The following TMEM132C variants were observed in gnomAD, a reference collection of about 807,000 sequenced individuals.
TMEM132C encodes the protein protein phosphatase 1, regulatory subunit 152.
Under a neutral mutation model 61.4 loss-of-function variants are expected in TMEM132C, and 29 were observed. The ratio of observed to expected loss-of-function variants is 0.47; its 90% CI spans 0.35 to 0.64. TMEM132C has a LOEUF of 0.64. TMEM132C is among the 30% of genes least tolerant of loss of function. The pLI is 0.00. For missense variants in TMEM132C, 1,408 were observed against 1,476.9 expected (o/e 0.95, Z 0.76); for synonymous variants, 656 against 633.1 (o/e 1.04, Z -0.54).
chr12:128,431,992 CTCTG>C lies in TMEM132C; in HGVS notation c.974+16378_974+16381del, dbSNP rs71449350. On this transcript the variant is annotated intron_variant, in intron 2 of 8. Coordinates refer to ENST00000435159, the MANE Select transcript of TMEM132C (RefSeq NM_001136103.3). ...ACCCTTAAGAATTATGCTCAATCTG[CTCTG>C]TCTGTGTCGATAAATGGAACCACAA... is the stretch of plus-strand genomic sequence containing the variant. 4.9e-3 allele frequency among the ~76,000 whole-genome samples: 752 copies of C among 152,288 alleles called. 3 individuals carry two copies. The highest frequency in any genetic ancestry group is 0.031 in the Middle Eastern group (9 of 294).
chr12:128,688,645 G>A (rs10847669), intron 5 of TMEM132C, among the ~76,000 whole-genome samples: 150,345 of 152,318 alleles, frequency 0.99, 74,232 homozygotes, highest in East Asian at 1. Flanking sequence ...TTTACAAAGC[G>A]TCTAGAACAT....
At chr12:128,366,209 C>T (rs1020176783) in intron 1 of TMEM132C, among the ~76,000 whole-genome samples, 2 of 152,186 alleles carry the variant, frequency 1.3e-5, no homozygotes, top group Non-Finnish European at 2.9e-5. Flanking sequence ...CTCCTCCCAG[C>T]GACAGACTCC....
chr12:128,655,797 A>G (rs917880414), intron 4 of TMEM132C, among the ~76,000 whole-genome samples: 1 of 152,114 alleles, frequency 6.6e-6, no homozygotes, highest in Non-Finnish European at 1.5e-5. Flanking sequence ...TCATGGGTAC[A>G]AAACCGGAAT....
At chr12:128,297,747 G>A (rs569764320) in intron 1 of TMEM132C, among the ~76,000 whole-genome samples, 2 of 152,066 alleles carry the variant, frequency 1.3e-5, no homozygotes, top group Non-Finnish European at 2.9e-5. Flanking sequence ...ACACCCACAT[G>A]ATTTTAAGCA....
intron 2 of TMEM132C, among the ~76,000 whole-genome samples, chr12:128,420,580 G>A (rs1261930564): frequency 1.3e-5 from 2 of 152,216 alleles, no homozygotes; most frequent in African/African-American, 4.8e-5. Flanking sequence ...TTTGAAGAAG[G>A]AATGTCACGA....
chr12:128,423,306 T>C (rs1046961765), intron 2 of TMEM132C, among the ~76,000 whole-genome samples: 5 of 152,194 alleles, frequency 3.3e-5, no homozygotes, highest in Non-Finnish European at 7.3e-5. Context: ...TCATTAGTTC[T>C]GTCCTGCTTT....
intron 1 of TMEM132C, among the ~76,000 whole-genome samples, chr12:128,317,646 A>T (rs1341489314): frequency 6.6e-6 from 1 of 152,238 alleles, no homozygotes; most frequent in Non-Finnish European, 1.5e-5. Flanking sequence ...GCACTTTGGG[A>T]AGCCAAGGTG....
Position 128,616,185 on chromosome 12 carries a change from G to A in TMEM132C, c.1155G>A (p.Met385Ile), listed in dbSNP as rs756948014. 3.2e-6 allele frequency: 5 copies of A among 1,551,746 alleles called. No homozygotes were observed. The South Asian group carries it at 5.9e-5, about 18-fold the overall frequency. ...SSSLFNEVVQMNFEIASFSSL... is the reference protein window; with the variant it reads ...SSSLFNEVVQINFEIASFSSL... ...GTTTATTCAATGAGGTTGTGCAGAT[G>A]AACTTTGAAATAGCCAGTTTCAGCA... is the stretch of plus-strand genomic sequence containing the variant. The change falls in exon 4 of 9, where the codon ATG becomes ATA. Residue 385 changes from methionine (M) to isoleucine (I), a missense_variant. Physicochemically the swap from Met to Ile is conservative, Grantham distance 10 (BLOSUM62 1). Coordinates refer to ENST00000435159, the MANE Select transcript of TMEM132C (RefSeq NM_001136103.3).
intron 4 of TMEM132C, among the ~76,000 whole-genome samples, chr12:128,663,843 T>C (rs1031374337): frequency 3.2e-4 from 42 of 132,358 alleles, no homozygotes; most frequent in East Asian, 7.3e-4. Flanking sequence ...CCCACCCACA[T>C]GCACGCACGC....
intron 2 of TMEM132C, among the ~76,000 whole-genome samples, chr12:128,501,115 C>G (rs552955490): frequency 6.6e-6 from 1 of 152,178 alleles, no homozygotes; most frequent in Non-Finnish European, 1.5e-5. Flanking sequence ...TCTCACCTTC[C>G]CTTTGCATAC....
At chr12:128,425,284 C>T (rs905027268) in intron 2 of TMEM132C, among the ~76,000 whole-genome samples, 1 of 152,236 alleles carries the variant, frequency 6.6e-6, no homozygotes, top group East Asian at 1.9e-4. Flanking sequence ...CATCCCCTGC[C>T]CCTTGGCGCT....
intron 4 of TMEM132C, among the ~76,000 whole-genome samples, chr12:128,652,444 G>A (rs1013188411): frequency 6.6e-6 from 1 of 152,218 alleles, no homozygotes; most frequent in Non-Finnish European, 1.5e-5. Context: ...GGTCAGCGAT[G>A]AGGGTCACTC....
intron 4 of TMEM132C, among the ~76,000 whole-genome samples, chr12:128,652,676 C>T (rs940699917): frequency 2.0e-5 from 3 of 152,236 alleles, no homozygotes; most frequent in Admixed American, 6.5e-5. Flanking sequence ...CTTCCCAGCC[C>T]CTGACCCGGG....
intron 2 of TMEM132C, among the ~76,000 whole-genome samples, chr12:128,465,164 T>C (rs914344439): frequency 6.6e-6 from 1 of 152,010 alleles, no homozygotes; most frequent in Non-Finnish European, 1.5e-5. Context: ...GACACCCACA[T>C]AGATAAGCTG....
At chr12:128,629,739 G>A (rs572007911) in intron 4 of TMEM132C, among the ~76,000 whole-genome samples, 32 of 152,032 alleles carry the variant, frequency 2.1e-4, no homozygotes, top group Admixed American at 3.9e-4. Context: ...AGGCCAAGGC[G>A]GGTGGATCAC....
intron 1 of TMEM132C, among the ~76,000 whole-genome samples, chr12:128,305,310 C>G (rs1305216974): frequency 6.6e-6 from 1 of 152,104 alleles, no homozygotes; most frequent in East Asian, 1.9e-4. Flanking sequence ...TGTGATACCT[C>G]AGTCTGAAGA....
chr12:128,641,079 C>G (rs553072015), intron 4 of TMEM132C, among the ~76,000 whole-genome samples: 1 of 152,228 alleles, frequency 6.6e-6, no homozygotes, highest in East Asian at 1.9e-4. Flanking sequence ...GTGCAATAGC[C>G]CGTGGTTGGA....
chr12:128,362,252 G>C (rs971720293), intron 1 of TMEM132C, among the ~76,000 whole-genome samples: 1 of 152,026 alleles, frequency 6.6e-6, no homozygotes, highest in Non-Finnish European at 1.5e-5. Context: ...GAAACTCCAA[G>C]CAGGAGAGTC....
intron 3 of TMEM132C, among the ~76,000 whole-genome samples, chr12:128,585,687 C>T (rs1475654937): frequency 2.6e-5 from 4 of 152,160 alleles, no homozygotes; most frequent in African/African-American, 9.7e-5. Context: ...CAGCAAGCAG[C>T]GTGTGCGGTG....
Sources: gnomAD v4.1 joint callset for allele counts (sites outside exome capture counted in the v4.1 genomes callset) on GRCh38, gnomAD v4.1.1 for gene constraint, MANE v1.5 for transcripts, NCBI Gene and HGNC (gene_info 2026-07-23, HGNC 2026-07-21) for gene names.